FCN1: variants seen among roughly 807,000 people sequenced by gnomAD.
FCN1 encodes ficolin-1.
In FCN1, 42 loss-of-function variants were observed where a neutral mutation model predicts 35.6. The observed-to-expected ratio is 1.18, with a 90% CI of 0.92 to 1.53. The LOEUF (loss-of-function observed/expected upper bound fraction) is 1.53, where lower values mean the gene tolerates loss of function less well. Ranked by LOEUF, FCN1 falls within the 40% of genes most tolerant of loss-of-function variation. The pLI is 0.00. For synonymous variants in FCN1, 179 were observed against 169.8 expected, an observed-to-expected ratio of 1.05 and a Z score of -0.42; for missense variants, 439 against 428.4, an observed-to-expected ratio of 1.02 and a Z score of -0.22.
chr9:134,909,743 G>C lies in FCN1; in HGVS notation c.*55C>G. ...AATGGGGTGACTTCCACGACGCAGCGCTTGTGGGTGTGGCCTCCCCACTAG... is the reference window on the plus strand; with the variant it reads ...AATGGGGTGACTTCCACGACGCAGCCCTTGTGGGTGTGGCCTCCCCACTAG... On this transcript the variant is annotated 3_prime_UTR_variant, in exon 9 of 9. Coordinates refer to ENST00000371806, the MANE Select transcript of FCN1 (RefSeq NM_002003.5). 6.2e-7 allele frequency: 1 copy of C among 1,604,524 alleles called. No homozygotes were observed. The highest frequency in any genetic ancestry group is 8.5e-7 in the Non-Finnish European group (1 of 1,179,260).
rs1830909778 is a variant in FCN1 at position 134,903,591 on chromosome 9, A to G, written c.*6207T>C. On this transcript the variant is annotated 3_prime_UTR_variant, in exon 9 of 9. Coordinates refer to ENST00000371806, the MANE Select transcript of FCN1 (RefSeq NM_002003.5). Reference sequence around the variant, plus strand: ...GGTGAATTTTACTGTATTAAATTATACCTCAAAAAATCTGACTTAAAAAAA... The same window carrying G: ...GGTGAATTTTACTGTATTAAATTATGCCTCAAAAAATCTGACTTAAAAAAA... Among the ~76,000 whole-genome samples the G allele has an allele frequency of 1.3e-5, 2 of 152,200 alleles. No homozygotes were observed. The highest frequency in any genetic ancestry group is 4.1e-4 in the South Asian group (2 of 4,834).
In FCN1 at chr9:134,905,384, A is replaced by G. The variant is rs2118925139; in HGVS notation, c.*4414T>C. 6.6e-6 allele frequency among the ~76,000 whole-genome samples: 1 copy of G among 152,338 alleles called. No individual in the cohort carries two copies. Among genetic ancestry groups the G allele is most frequent in the East Asian group, 1.9e-4 (1 of 5,180 alleles). ...GGGCTTGATTTCTTTTCACCCATTC[A>G]GCTTTATCCCTCAAATCACAAAAGC... On this transcript the variant is annotated 3_prime_UTR_variant, in exon 9 of 9. Transcript: ENST00000371806.
At chr9:134,913,188 G>A in intron 5 of FCN1, 45 bp from the exon 6 acceptor site, 1 of 1,610,192 alleles carries the variant, frequency 6.2e-7, no homozygotes, top group Middle Eastern at 1.7e-4. Flanking sequence ...GGGGCCCTGG[G>A]CAGGACAGGG....
intron 8 of FCN1, among the ~76,000 whole-genome samples, chr9:134,910,674 C>T (rs1176493795): frequency 6.6e-6 from 1 of 152,232 alleles, no homozygotes; most frequent in Non-Finnish European, 1.5e-5. Flanking sequence ...CACAGACTTC[C>T]AGCTGCAGCA....
rs760187052 is a variant in FCN1 at position 134,909,415 on chromosome 9, C to G, written c.*383G>C. ...GTGTCAATTACTGGAGGTGGAAAAT[C>G]CTCGCAAAAGTCACTCAACCTCCCT... On this transcript the variant is annotated 3_prime_UTR_variant, in exon 9 of 9. Coordinates refer to ENST00000371806, the MANE Select transcript of FCN1 (RefSeq NM_002003.5). 3.9e-4 allele frequency: 498 copies of G among 1,291,238 alleles called. 1 individual carries two copies. The highest frequency in any genetic ancestry group is 1.7e-3 in the Middle Eastern group (8 of 4,730). The allele number at this position is 1,291,238 out of a possible 1,614,324, so 80.0% of individuals were successfully genotyped here. A position where few individuals can be genotyped will look rare whatever the true frequency, so the allele number is the denominator to read the frequency against.
chr9:134,914,734 T>C, intron 3 of FCN1, 22 bp downstream of exon 3: 1 of 1,598,450 alleles, frequency 6.3e-7, no homozygotes. Context: ...CAAGGCCTCC[T>C]CGCTGTCTGT....
At position 134,907,990 on chromosome 9, in the gene FCN1, C is replaced by T. The variant is rs536893462; in HGVS notation, c.*1808G>A. The T allele has an allele frequency of 1.2e-4, 19 of 152,308 alleles. No homozygotes were observed. The highest frequency in any genetic ancestry group is 8.5e-4 in the Admixed American group (13 of 15,304). 9.4% of individuals were successfully genotyped at this position (152,308 alleles called of 1,614,324 possible). A position where few individuals can be genotyped will look rare whatever the true frequency, so the allele number is the denominator to read the frequency against. On this transcript the variant is annotated 3_prime_UTR_variant, in exon 9 of 9. Transcript: ENST00000371806. ...GGCAGGTTAGAGGACTGTGTGTCTT[C>T]TTCTCCAACAGTTGATGCCAAGCCA...
Position 134,905,822 on chromosome 9 carries a change from T to TTCTTCTTCTTCTTCC in FCN1, c.*3975_*3976insGGAAGAAGAAGAAGA, listed in dbSNP as rs1830940589. The TTCTTCTTCTTCTTCC allele has an allele frequency of 1.1e-4, 4 of 37,982 alleles. No individual in the cohort carries two copies. The African/African-American group carries it at 1.1e-3, about 10-fold the overall frequency. The allele number at this position is 37,982 out of a possible 1,614,324, so 2.4% of individuals were successfully genotyped here. A position where few individuals can be genotyped will look rare whatever the true frequency, so the allele number is the denominator to read the frequency against. Reference sequence around the variant, plus strand: ...CTTCTTCTTCTTCCTCTTCTTCTTCTTCTTCCTCTTCCTCTTCCTCTTCCT... The same window carrying TTCTTCTTCTTCTTCC: ...CTTCTTCTTCTTCCTCTTCTTCTTCTTCTTCTTCTTCTTCCTCTTCCTCTTCCTCTTCCTCTTCCT... On this transcript the variant is annotated 3_prime_UTR_variant, in exon 9 of 9. Transcript: ENST00000371806.
rs1830985117 is a variant in FCN1, at chr9:134,908,823, C to T, written c.*975G>A. The T allele has an allele frequency of 1.0e-5, 2 of 193,546 alleles. No individual in the cohort carries two copies. Among genetic ancestry groups the T allele is most frequent in the Non-Finnish European group, 2.1e-5 (2 of 93,180 alleles). The allele number at this position is 193,546 out of a possible 1,614,324, so 12.0% of individuals were successfully genotyped here. A position where few individuals can be genotyped will look rare whatever the true frequency, so the allele number is the denominator to read the frequency against. On this transcript the variant is annotated 3_prime_UTR_variant, in exon 9 of 9. Coordinates refer to ENST00000371806, the MANE Select transcript of FCN1 (RefSeq NM_002003.5). ...GTGGCGAGTTCTTGTTGTTTCAAGCCACTCCATTTGTGGTGACTGGTTGCG... is the reference window on the plus strand; with the variant it reads ...GTGGCGAGTTCTTGTTGTTTCAAGCTACTCCATTTGTGGTGACTGGTTGCG...
chr9:134,912,367 G>A (rs1051576142), intron 7 of FCN1, 119 bp downstream of exon 7: 3 of 1,044,174 alleles, frequency 2.9e-6, no homozygotes, highest in Non-Finnish European at 4.1e-6. Flanking sequence ...TGCCACCTGA[G>A]TGTGCTCAGG....
chr9:134,915,624 A>T (rs1831083284), intron 2 of FCN1, among the ~76,000 whole-genome samples: 1 of 152,210 alleles, frequency 6.6e-6, no homozygotes, highest in Non-Finnish European at 1.5e-5. Context: ...CGTCAGTGAA[A>T]GTCCAAGTCA....
rs1206593565 is a variant in FCN1 at position 134,905,864 on chromosome 9, CTCTTCTTCT to C, written c.*3925_*3933del. ...CCTCTTCCTCTTCCTCTTCCTCTTC[CTCTTCTTCT>C]TCTTCTTCTTCTTCTTCTTCTTCTT... On this transcript the variant is annotated 3_prime_UTR_variant, in exon 9 of 9. Transcript: ENST00000371806. The C allele has an allele frequency of 4.7e-3, 214 of 45,854 alleles. 10 individuals are homozygous for C. The highest frequency in any genetic ancestry group is 9.6e-3 in the East Asian group (22 of 2,290). The allele number at this position is 45,854 out of a possible 1,614,324, so 2.8% of individuals were successfully genotyped here.
At chr9:134,915,772 C>A (rs1182018366) in intron 2 of FCN1, among the ~76,000 whole-genome samples, 1 of 152,198 alleles carries the variant, frequency 6.6e-6, no homozygotes, top group Non-Finnish European at 1.5e-5. Context: ...GCACGTCTGC[C>A]TTATGCCATG....
chr9:134,917,242 G>A (rs1831103285), intron 1 of FCN1, among the ~76,000 whole-genome samples: 1 of 152,110 alleles, frequency 6.6e-6, no homozygotes, highest in African/African-American at 2.4e-5. Flanking sequence ...GGGGCACCAG[G>A]CCGTCCTTAG....
intron 1 of FCN1, among the ~76,000 whole-genome samples, chr9:134,916,831 A>G (rs139321420): frequency 1.4e-4 from 22 of 152,200 alleles, no homozygotes; most frequent in Non-Finnish European, 5.9e-5. Flanking sequence ...AACTAATGAC[A>G]ATCAATATTT....
chr9:134,912,128 C>T (rs563189121), intron 7 of FCN1, among the ~76,000 whole-genome samples: 4 of 152,266 alleles, frequency 2.6e-5, no homozygotes, highest in South Asian at 4.1e-4. Context: ...AGGAGGCGAG[C>T]GTGGGCTCTC....
intron 8 of FCN1, 129 bp from the exon 9 acceptor site, chr9:134,910,174 C>T: frequency 1.2e-6 from 1 of 850,424 alleles, no homozygotes. Flanking sequence ...TACAGGTGCA[C>T]AAATGACCCA....
In FCN1 at chr9:134,912,486, C is replaced by A. The variant is rs753207089; in HGVS notation, c.598G>T (p.Gly200Ter). ...CCCTGAGCCACGGCAGTGGCCCTAC[C>A]CTGGGCAGTCAGGGCGTGGATGTTG... ...NDNIHALTAQ[G>*]SSELRVDLVD... is the part of the protein sequence containing the mutation. Residue 200 changes from glycine to a stop codon, truncating the protein, a stop_gained and splice_region_variant, in exon 7 of 9, where the codon GGA becomes TGA. Transcript: ENST00000371806. LOFTEE classifies it high-confidence loss of function. 1.9e-6 allele frequency: 3 copies of A among 1,613,788 alleles called. No homozygotes were observed. In the African/African-American group the frequency reaches 4.0e-5, roughly 21 times the overall value.
Position 134,915,333 on chromosome 9 carries a change from C to T in FCN1, c.218-524G>A, listed in dbSNP as rs76904086. On this transcript the variant is annotated intron_variant, in intron 2 of 8. Coordinates refer to ENST00000371806, the MANE Select transcript of FCN1 (RefSeq NM_002003.5). The stretch of plus-strand genomic sequence containing the variant: ...GCCAGAAAGGTGACCCTCCCGTCCC[C>T]GATGCCAGCCAAGAGGCAGCCCCCA... Among the ~76,000 whole-genome samples the T allele has an allele frequency of 1.8e-4, 27 of 152,260 alleles. No homozygotes were observed. The East Asian group carries it at 5.0e-3, about 28-fold the overall frequency.
Sources: allele counts gnomAD v4.1 joint callset (sites outside exome capture counted in the v4.1 genomes callset), GRCh38; gene constraint gnomAD v4.1.1; transcripts MANE v1.5; gene names NCBI Gene and HGNC (gene_info 2026-07-23, HGNC 2026-07-21).